KIAA1217: variants seen among roughly 807,000 people sequenced by gnomAD.
KIAA1217 encodes sickle tail protein homolog.
KIAA1217 carries 88 observed loss-of-function variants against 163.9 expected under a neutral mutation model. The ratio of observed to expected loss-of-function variants is 0.54; its 90% CI spans 0.45 to 0.64. KIAA1217 has a LOEUF of 0.64. Ranked by LOEUF, KIAA1217 falls within the 30% of genes least tolerant of loss-of-function variation. KIAA1217 has a pLI of 0.00. For missense variants in KIAA1217, 2,372 were observed against 2,475.0 expected (o/e 0.96, Z 0.88); for synonymous variants, 903 against 923.1 (o/e 0.98, Z 0.39).
intron 2 of KIAA1217, among the ~76,000 whole-genome samples, chr10:24,227,733 C>T (rs1372233059): frequency 6.6e-6 from 1 of 151,346 alleles, no homozygotes; most frequent in Non-Finnish European, 1.5e-5. Flanking sequence ...GGGGTTTCAC[C>T]GTGTTAGTCA....
intron 3 of KIAA1217, among the ~76,000 whole-genome samples, chr10:24,398,657 G>A (rs550100968): frequency 1.1e-4 from 17 of 152,106 alleles, no homozygotes; most frequent in Non-Finnish European, 2.2e-4. Flanking sequence ...GGGGTCTTGT[G>A]TCCTTTTTCC....
intron 2 of KIAA1217, among the ~76,000 whole-genome samples, chr10:24,330,861 A>G (rs1378511761): frequency 1.3e-5 from 2 of 152,076 alleles, no homozygotes; most frequent in Admixed American, 1.3e-4. Flanking sequence ...CAATCTGCCC[A>G]CCTTGGCCTC....
intron 2 of KIAA1217, among the ~76,000 whole-genome samples, chr10:24,120,022 AG>A (rs2063217701): frequency 6.6e-6 from 1 of 152,178 alleles, no homozygotes; most frequent in African/African-American, 2.4e-5. Flanking sequence ...CCTATTCTTT[AG>A]ATACTGTCTG....
intron 2 of KIAA1217, among the ~76,000 whole-genome samples, chr10:24,316,596 G>C (rs1429689539): frequency 2.0e-5 from 3 of 152,118 alleles, no homozygotes; most frequent in Non-Finnish European, 2.9e-5. Flanking sequence ...ACACGAAAAT[G>C]GTTGTAGAAT....
At chr10:23,973,350 A>G (rs969754667) in intron 1 of KIAA1217, among the ~76,000 whole-genome samples, 3 of 152,238 alleles carry the variant, frequency 2.0e-5, no homozygotes, top group South Asian at 4.1e-4. Context: ...GTTTGATTTT[A>G]AAAACAACCT....
intron 1 of KIAA1217, among the ~76,000 whole-genome samples, chr10:23,921,451 C>A (rs954550180): frequency 6.6e-6 from 1 of 152,178 alleles, no homozygotes; most frequent in Non-Finnish European, 1.5e-5. Context: ...TTGTCACTTC[C>A]TTCTCTCATG....
chr10:24,266,688 C>T (rs181274111), intron 2 of KIAA1217, among the ~76,000 whole-genome samples: 14 of 152,128 alleles, frequency 9.2e-5, no homozygotes, highest in Non-Finnish European at 1.2e-4. Flanking sequence ...CTCTGTAAAA[C>T]GCACCAATCA....
At chr10:24,391,317 G>GTTTC (rs200762098) in intron 3 of KIAA1217, among the ~76,000 whole-genome samples, 5 of 93,544 alleles carry the variant, frequency 5.3e-5, no homozygotes, top group Non-Finnish European at 9.8e-5. Context: ...AGGTTCTCCT[G>GTTTC]TTTCTTTCTT....
rs575086919 is a variant in KIAA1217 at position 23,760,111 on chromosome 10, C to G, written c.-321+64877C>G. Among the ~76,000 whole-genome samples, 10 of 152,302 alleles carry G rather than the reference C, an allele frequency of 6.6e-5. No individual in the cohort carries two copies. The South Asian group carries it at 2.1e-3, about 32-fold the overall frequency. ...TTAACTCAGTGCCTAGACCCTCACA[C>G]ATAGTTGGCACATGCAGGTTGGTGG... On this transcript the variant is annotated intron_variant, in intron 1 of 18. Coordinates refer to the KIAA1217 transcript ENST00000376462.
intron 3 of KIAA1217, among the ~76,000 whole-genome samples, chr10:24,432,530 A>G (rs1287470589): frequency 6.6e-5 from 10 of 151,550 alleles, no homozygotes; most frequent in Non-Finnish European, 1.5e-5. Context: ...ATCATAGCTC[A>G]CTGCAGCCTG....
intron 1 of KIAA1217, among the ~76,000 whole-genome samples, chr10:23,886,395 A>T (rs1344177955): frequency 6.6e-6 from 1 of 151,990 alleles, no homozygotes; most frequent in Admixed American, 6.6e-5. Flanking sequence ...GTTGCCTTTT[A>T]GTCAAAACAG....
chr10:23,767,090 A>C (rs1834567731), intron 1 of KIAA1217, among the ~76,000 whole-genome samples: 1 of 152,190 alleles, frequency 6.6e-6, no homozygotes, highest in African/African-American at 2.4e-5. Context: ...AATTACTAGA[A>C]AGAGTGGTGG....
intron 1 of KIAA1217, among the ~76,000 whole-genome samples, chr10:23,703,321 A>G (rs2130709541): frequency 6.6e-6 from 1 of 152,286 alleles, no homozygotes; most frequent in South Asian, 2.1e-4. Flanking sequence ...TTTCTTTGCA[A>G]GAACGGGACA....
chr10:24,513,108 C>T (rs943696917), intron 9 of KIAA1217, 151 bp from the exon 10 acceptor site: 2 of 716,890 alleles, frequency 2.8e-6, no homozygotes, highest in Non-Finnish European at 4.6e-6. Flanking sequence ...ACATTATGTA[C>T]AGTCTTTGCT....
At chr10:23,954,260 G>C (rs1487433971) in intron 1 of KIAA1217, among the ~76,000 whole-genome samples, 1 of 152,064 alleles carries the variant, frequency 6.6e-6, no homozygotes, top group Admixed American at 6.6e-5. Context: ...ATTGATGCTA[G>C]AGCCTCAATG....
At chr10:23,703,167 T>C (rs1011473035) in intron 1 of KIAA1217, among the ~76,000 whole-genome samples, 12 of 152,096 alleles carry the variant, frequency 7.9e-5, no homozygotes, top group African/African-American at 2.4e-4. Context: ...CGCTTCTCCT[T>C]CTCAGCAGTC....
At chr10:23,881,902 G>A (rs1186088366) in intron 1 of KIAA1217, among the ~76,000 whole-genome samples, 1 of 151,848 alleles carries the variant, frequency 6.6e-6, no homozygotes, top group East Asian at 2.0e-4. Context: ...CCTGGCTTAT[G>A]TTCTGATGTC....
At chr10:24,510,449 C>T (rs996228715) in intron 9 of KIAA1217, among the ~76,000 whole-genome samples, 2 of 152,118 alleles carry the variant, frequency 1.3e-5, no homozygotes, top group African/African-American at 4.8e-5. Flanking sequence ...TTCAAAAGCC[C>T]TTTTCTTAGT....
chr10:24,196,567 C>T (rs576018144), intron 2 of KIAA1217, among the ~76,000 whole-genome samples: 1 of 152,280 alleles, frequency 6.6e-6, no homozygotes, highest in South Asian at 2.1e-4. Flanking sequence ...AAAAAGTTTA[C>T]ACCTTGAAGA....
Sources: gnomAD v4.1 joint callset for allele counts (sites outside exome capture counted in the v4.1 genomes callset) on GRCh38, gnomAD v4.1.1 for gene constraint, MANE v1.5 for transcripts, NCBI Gene and HGNC (gene_info 2026-07-23, HGNC 2026-07-21) for gene names.